SPPL3: variants seen among roughly 807,000 people sequenced by gnomAD.
SPPL3 encodes the protein signal peptide peptidase-like 3.
Under a neutral mutation model 42.4 loss-of-function variants are expected in SPPL3, and 5 were observed. The ratio of observed to expected loss-of-function variants is 0.12; its 90% confidence interval spans 0.06 to 0.25. The LOEUF is 0.25. SPPL3 is among the 10% of genes least tolerant of loss of function. The probability of loss-of-function intolerance (pLI) is 1.00; values close to 1 mark genes in which losing one functional copy is unlikely to be tolerated. For missense variants in SPPL3, 235 were observed against 489.0 expected, an observed-to-expected ratio of 0.48 and a Z score of 4.90; for synonymous variants, 195 against 181.8, an observed-to-expected ratio of 1.07 and a Z score of -0.58.
At chr12:120,902,752 T>G (rs1396390608) in intron 1 of SPPL3, among the ~76,000 whole-genome samples, 1 of 152,136 alleles carries the variant, frequency 6.6e-6, no homozygotes, top group Non-Finnish European at 1.5e-5. Flanking sequence ...GTAAACCATC[T>G]TCAAACCATT....
intron 1 of SPPL3, among the ~76,000 whole-genome samples, chr12:120,834,108 CAGTT>C (rs1165354022): frequency 4.6e-5 from 7 of 152,138 alleles, no homozygotes; most frequent in African/African-American, 1.7e-4. Flanking sequence ...AACGAGTTCA[CAGTT>C]AGAACCAGTT....
At chr12:120,843,132 C>G (rs1167458871) in intron 1 of SPPL3, among the ~76,000 whole-genome samples, 1 of 152,110 alleles carries the variant, frequency 6.6e-6, no homozygotes, top group East Asian at 1.9e-4. Flanking sequence ...GAACGGATCA[C>G]AGTAGGGCTA....
chr12:120,861,473 G>A (rs1368348951), intron 1 of SPPL3, among the ~76,000 whole-genome samples: 7 of 152,088 alleles, frequency 4.6e-5, no homozygotes, highest in African/African-American at 1.2e-4. Flanking sequence ...TTATCAGTGT[G>A]GTCTATATTT....
intron 1 of SPPL3, among the ~76,000 whole-genome samples, chr12:120,878,496 T>C (rs1435063523): frequency 6.6e-6 from 1 of 152,220 alleles, no homozygotes; most frequent in Non-Finnish European, 1.5e-5. Flanking sequence ...TCTTACAAGC[T>C]AAACGCTAAT....
chr12:120,894,035 T>C (rs1346749214), intron 1 of SPPL3, among the ~76,000 whole-genome samples: 2 of 152,056 alleles, frequency 1.3e-5, no homozygotes, highest in Non-Finnish European at 2.9e-5. Context: ...AAGAAATGAG[T>C]GTAGGGGGCC....
At chr12:120,774,637 G>A (rs1484666030) in intron 6 of SPPL3, among the ~76,000 whole-genome samples, 1 of 151,930 alleles carries the variant, frequency 6.6e-6, no homozygotes, top group Admixed American at 6.6e-5. Context: ...GAGGCATGTG[G>A]AATAAATACC....
At chr12:120,875,075 T>C (rs2137052459) in intron 1 of SPPL3, among the ~76,000 whole-genome samples, 1 of 152,176 alleles carries the variant, frequency 6.6e-6, no homozygotes, top group South Asian at 2.1e-4. Context: ...GGGTAAACCT[T>C]CAGATACTCC....
rs1269967100 is a variant in SPPL3, at chr12:120,764,821, C to T, written c.*178G>A. Reference sequence around the variant, plus strand: ...ATCCGCAGGAAGAGAAGGAACCAAACAGGGCTCCAGCACCTCTCTCCTGCA... The same window carrying T: ...ATCCGCAGGAAGAGAAGGAACCAAATAGGGCTCCAGCACCTCTCTCCTGCA... On this transcript the variant is annotated 3_prime_UTR_variant, in exon 11 of 11. Transcript: ENST00000353487. 4.7e-6 allele frequency: 3 copies of T among 640,724 alleles called. No individual in the cohort carries two copies. The African/African-American group carries it at 5.6e-5, about 12-fold the overall frequency. The allele number at this position is 640,724 out of a possible 1,614,324, so 39.7% of individuals were successfully genotyped here. A position where few individuals can be genotyped will look rare whatever the true frequency, so the allele number is the denominator to read the frequency against.
At chr12:120,890,919 T>C (rs1006634224) in intron 1 of SPPL3, among the ~76,000 whole-genome samples, 2 of 152,194 alleles carry the variant, frequency 1.3e-5, no homozygotes, top group Non-Finnish European at 2.9e-5. Context: ...AAGCTAAGAC[T>C]ATCTATCCTA....
At chr12:120,825,188 T>A (rs957706130) in intron 1 of SPPL3, among the ~76,000 whole-genome samples, 1 of 152,184 alleles carries the variant, frequency 6.6e-6, no homozygotes, top group Non-Finnish European at 1.5e-5. Context: ...TGTTCACAAA[T>A]TTTAATTCAT....
At chr12:120,768,866 T>C (rs1869006661) in intron 7 of SPPL3, 87 bp downstream of exon 7, 3 of 1,182,166 alleles carry the variant, frequency 2.5e-6, no homozygotes, top group East Asian at 5.1e-5. Context: ...AGCCCGACTT[T>C]GGATACTTCT....
At chr12:120,806,853 AAAAG>A (rs3050396) in intron 2 of SPPL3, among the ~76,000 whole-genome samples, 4 of 146,132 alleles carry the variant, frequency 2.7e-5, no homozygotes, top group African/African-American at 7.6e-5. Flanking sequence ...TTAAAAAAAA[AAAAG>A]AAAGAAAGAA....
At chr12:120,898,115 C>T (rs937690028) in intron 1 of SPPL3, among the ~76,000 whole-genome samples, 5 of 151,704 alleles carry the variant, frequency 3.3e-5, no homozygotes, top group Non-Finnish European at 7.4e-5. Context: ...AGTTCGAGAC[C>T]AACCTGGCCA....
intron 2 of SPPL3, among the ~76,000 whole-genome samples, chr12:120,792,460 G>C (rs1869950270): frequency 6.6e-6 from 1 of 152,086 alleles, no homozygotes; most frequent in African/African-American, 2.4e-5. Context: ...CCAGCACTTT[G>C]GGAGCCCCAG....
At chr12:120,836,208 TG>T (rs1871613337) in intron 1 of SPPL3, among the ~76,000 whole-genome samples, 1 of 151,884 alleles carries the variant, frequency 6.6e-6, no homozygotes, top group South Asian at 2.1e-4. Context: ...CCCTTGAATC[TG>T]GGCTATCCTT....
At chr12:120,789,045 G>C (rs2136983512) in intron 3 of SPPL3, among the ~76,000 whole-genome samples, 1 of 152,334 alleles carries the variant, frequency 6.6e-6, no homozygotes, top group South Asian at 2.1e-4. Context: ...TTGAGGAAGT[G>C]AATTTTGCAG....
intron 1 of SPPL3, among the ~76,000 whole-genome samples, chr12:120,824,641 T>C (rs1871182411): frequency 6.6e-6 from 1 of 152,148 alleles, no homozygotes; most frequent in Non-Finnish European, 1.5e-5. Flanking sequence ...GGTGATCCTC[T>C]CATGTCAGCC....
chr12:120,867,844 T>C (rs1593003519), intron 1 of SPPL3, among the ~76,000 whole-genome samples: 2 of 151,492 alleles, frequency 1.3e-5, no homozygotes, highest in African/African-American at 4.9e-5. Flanking sequence ...ACCTCCCGGG[T>C]TCAAGTGATT....
chr12:120,781,435 G>A (rs529925150), intron 6 of SPPL3, among the ~76,000 whole-genome samples: 1 of 150,490 alleles, frequency 6.6e-6, no homozygotes, highest in South Asian at 2.1e-4. Context: ...AGTGTATGAT[G>A]TATATCACGT....
Sources: allele counts gnomAD v4.1 joint callset (sites outside exome capture counted in the v4.1 genomes callset), GRCh38; gene constraint gnomAD v4.1.1; transcripts MANE v1.5; gene names NCBI Gene and HGNC (gene_info 2026-07-23, HGNC 2026-07-21).